SPATS2: variants seen among roughly 807,000 people sequenced by gnomAD.
SPATS2 encodes the protein spermatogenesis-associated serine-rich protein 2.
In SPATS2, 38 loss-of-function variants were observed where a neutral mutation model predicts 63.7. The ratio of observed to expected loss-of-function variants is 0.60; its 90% confidence interval spans 0.46 to 0.78. The LOEUF is 0.78. Ranked by LOEUF, SPATS2 falls within the 30% of genes least tolerant of loss-of-function variation. The pLI is 0.00. For missense variants in SPATS2, 588 were observed against 666.2 expected (o/e 0.88, Z 1.29); for synonymous variants, 207 against 232.9 (o/e 0.89, Z 1.01).
Position 49,525,965 on chromosome 12 carries a change from G to C in SPATS2, c.1348G>C (p.Gly450Arg). ...TTAGGTATTGCCAGGGAACAGACGA[G>C]GAGGACAGGGCTATAGGCCACAAGG... ...LREVLPGNRR[G>R]GQGYRPQGQK... is the part of the protein sequence containing the mutation. Residue 450 changes from glycine (G) to arginine (R), a missense_variant, in exon 14 of 14, where the codon GGA (glycine) becomes CGA (arginine). Gly to Arg is a moderately radical substitution (Grantham distance 125). Transcript: ENST00000552918. 2.5e-6 allele frequency: 4 copies of C among 1,614,084 alleles called. No homozygotes were observed. Among genetic ancestry groups the C allele is most frequent in the Non-Finnish European group, 3.4e-6 (4 of 1,179,936 alleles).
chr12:49,436,989 G>T (rs1219231855), intron 2 of SPATS2, among the ~76,000 whole-genome samples: 1 of 151,904 alleles, frequency 6.6e-6, no homozygotes, highest in African/African-American at 2.4e-5. Flanking sequence ...CCGGACTGGG[G>T]CGGCTGGCCG....
At chr12:49,460,371 T>G (rs1280663625) in intron 2 of SPATS2, among the ~76,000 whole-genome samples, 2 of 152,118 alleles carry the variant, frequency 1.3e-5, no homozygotes, top group African/African-American at 4.8e-5. Flanking sequence ...GGAGAATCAC[T>G]TGAACCCGGG....
At chr12:49,419,993 A>G (rs1472958294) in intron 2 of SPATS2, among the ~76,000 whole-genome samples, 1 of 152,224 alleles carries the variant, frequency 6.6e-6, no homozygotes, top group Non-Finnish European at 1.5e-5. Context: ...TACACTATGC[A>G]TCAAGGAAAA....
At chr12:49,375,815 T>A (rs1336822623) in intron 2 of SPATS2, among the ~76,000 whole-genome samples, 3 of 151,656 alleles carry the variant, frequency 2.0e-5, no homozygotes, top group African/African-American at 7.3e-5. Flanking sequence ...TAGCTTAAAC[T>A]TCTTTTTTTT....
chr12:49,511,906 T>C (rs1028911281), intron 9 of SPATS2, among the ~76,000 whole-genome samples: 1 of 152,206 alleles, frequency 6.6e-6, no homozygotes, highest in African/African-American at 2.4e-5. Flanking sequence ...CTTTCAGATA[T>C]ATAGAAAAGT....
intron 2 of SPATS2, among the ~76,000 whole-genome samples, chr12:49,449,906 A>G (rs995052398): frequency 6.6e-6 from 1 of 152,186 alleles, no homozygotes; most frequent in Non-Finnish European, 1.5e-5. Flanking sequence ...AGAGTGGGAT[A>G]CTTAAGTCTT....
At chr12:49,485,252 G>A (rs1375534140) in intron 4 of SPATS2, among the ~76,000 whole-genome samples, 1 of 151,754 alleles carries the variant, frequency 6.6e-6, no homozygotes, top group Admixed American at 6.6e-5. Flanking sequence ...ATTTTTAGTA[G>A]AGACAGGGTT....
chr12:49,507,253 T>C (rs901337002), intron 9 of SPATS2, among the ~76,000 whole-genome samples: 2 of 152,094 alleles, frequency 1.3e-5, no homozygotes, highest in African/African-American at 4.8e-5. Context: ...TGGGGTGGGG[T>C]TAATTAGAAA....
intron 9 of SPATS2, among the ~76,000 whole-genome samples, chr12:49,508,755 T>G (rs1367063800): frequency 1.3e-5 from 2 of 151,940 alleles, no homozygotes. Flanking sequence ...CTTTTTTTTT[T>G]TTTTCTGTAG....
intron 2 of SPATS2, among the ~76,000 whole-genome samples, chr12:49,385,291 A>C (rs1041394217): frequency 4.6e-5 from 7 of 151,374 alleles, no homozygotes; most frequent in Non-Finnish European, 8.8e-5. Context: ...AAAAAAAAAA[A>C]ACAAAAACCA....
intron 2 of SPATS2, among the ~76,000 whole-genome samples, chr12:49,443,119 T>A (rs886110463): frequency 2.6e-5 from 4 of 152,218 alleles, no homozygotes; most frequent in Non-Finnish European, 4.4e-5. Context: ...ATTGTATGTA[T>A]ATACTTTATT....
intron 2 of SPATS2, among the ~76,000 whole-genome samples, chr12:49,415,620 C>T (rs1944876621): frequency 6.6e-6 from 1 of 152,148 alleles, no homozygotes; most frequent in South Asian, 2.1e-4. Context: ...CTGCAGATGA[C>T]AGCTTTGCTA....
At chr12:49,404,774 T>C (rs371404646) in intron 2 of SPATS2, among the ~76,000 whole-genome samples, 34 of 152,332 alleles carry the variant, frequency 2.2e-4, no homozygotes, top group South Asian at 4.1e-4. Context: ...AACATTCCTA[T>C]GTACCAGGGG....
intron 2 of SPATS2, among the ~76,000 whole-genome samples, chr12:49,375,224 A>G (rs1944079468): frequency 6.7e-6 from 1 of 148,318 alleles, no homozygotes; most frequent in South Asian, 2.1e-4. Context: ...AATTTGCTAA[A>G]GGGTATTAGG....
chr12:49,485,757 C>CA (rs1352715588), intron 4 of SPATS2, among the ~76,000 whole-genome samples: 2 of 128,940 alleles, frequency 1.6e-5, no homozygotes, highest in Non-Finnish European at 3.3e-5. Context: ...TATGGGCTCT[C>CA]TTTTTTTTTT....
chr12:49,456,254 A>G (rs1222170458), intron 2 of SPATS2, among the ~76,000 whole-genome samples: 3 of 152,248 alleles, frequency 2.0e-5, no homozygotes, highest in African/African-American at 7.2e-5. Context: ...TTTCTTGTGA[A>G]TAACCACAGA....
chr12:49,393,330 A>G (rs1336360558), intron 2 of SPATS2, among the ~76,000 whole-genome samples: 1 of 151,946 alleles, frequency 6.6e-6, no homozygotes, highest in Non-Finnish European at 1.5e-5. Context: ...CCTTTCATTC[A>G]GTGATTTTAG....
At chr12:49,467,822 G>A (rs1216303347) in intron 3 of SPATS2, among the ~76,000 whole-genome samples, 1 of 151,964 alleles carries the variant, frequency 6.6e-6, no homozygotes, top group Non-Finnish European at 1.5e-5. Flanking sequence ...TCCTGCCTCA[G>A]CCTCCTGAGT....
intron 3 of SPATS2, among the ~76,000 whole-genome samples, chr12:49,467,942 C>T (rs1441242284): frequency 1.3e-5 from 2 of 151,922 alleles, no homozygotes; most frequent in Non-Finnish European, 2.9e-5. Flanking sequence ...ACGGTATTAG[C>T]CAGGATGGTC....
Sources: allele counts gnomAD v4.1 joint callset (sites outside exome capture counted in the v4.1 genomes callset), GRCh38; gene constraint gnomAD v4.1.1; transcripts MANE v1.5; gene names NCBI Gene and HGNC (gene_info 2026-07-23, HGNC 2026-07-21).